The following CALN1 variants were observed in gnomAD, a reference collection of about 807,000 sequenced individuals.
CALN1 encodes calneuron 1, also known as calcium-binding protein 8.
A neutral mutation model predicts 30.6 loss-of-function variants in CALN1; 17 were observed. The ratio of observed to expected loss-of-function variants is 0.56; its 90% CI spans 0.38 to 0.83. CALN1 has a LOEUF of 0.83. Ranked by LOEUF, CALN1 falls within the 40% of genes least tolerant of loss-of-function variation. The pLI is 0.00. For synonymous variants in CALN1, 156 were observed against 131.4 expected (o/e 1.19, Z -1.28); for missense variants, 291 against 354.9 (o/e 0.82, Z 1.45).
intron 5 of CALN1, among the ~76,000 whole-genome samples, chr7:71,847,431 C>T (rs965544711): frequency 6.6e-6 from 1 of 151,928 alleles, no homozygotes; most frequent in Non-Finnish European, 1.5e-5. Flanking sequence ...GGGTGGATCA[C>T]CTGAGGTCAG....
At chr7:72,256,517 C>G (rs1366542392) in intron 3 of CALN1, among the ~76,000 whole-genome samples, 1 of 152,086 alleles carries the variant, frequency 6.6e-6, no homozygotes, top group African/African-American at 2.4e-5. Context: ...AAAAAGATGA[C>G]CAAAATTCTG....
intron 2 of CALN1, among the ~76,000 whole-genome samples, chr7:72,355,458 A>AC (rs1272571953): frequency 2.6e-5 from 4 of 152,140 alleles, no homozygotes; most frequent in African/African-American, 9.7e-5. Context: ...CCCAGGAGAC[A>AC]GAGGTGGCAG....
At chr7:71,849,366 G>A (rs1584365177) in intron 5 of CALN1, among the ~76,000 whole-genome samples, 1 of 151,058 alleles carries the variant, frequency 6.6e-6, no homozygotes, top group Non-Finnish European at 1.5e-5. Flanking sequence ...TTTATGGCTA[G>A]TACTGCATAG....
chr7:72,476,930 G>T, the CALN1 span, among the ~76,000 whole-genome samples: 3 of 152,130 alleles, frequency 2.0e-5, no homozygotes, highest in African/African-American at 7.2e-5. Context: ...AAGGTGCGTC[G>T]CCAGGCGCCG....
intron 3 of CALN1, among the ~76,000 whole-genome samples, chr7:72,209,355 TCCC>T (rs1360708775): frequency 1.6e-5 from 1 of 62,058 alleles, no homozygotes; most frequent in Non-Finnish European, 2.8e-5. Flanking sequence ...CTTCCCTCCT[TCCC>T]TCTTTCCTTC....
At chr7:72,487,672 T>TGAAAGAAAGAAAGGAAA in the CALN1 span, among the ~76,000 whole-genome samples, 1 of 101,584 alleles carries the variant, frequency 9.8e-6, no homozygotes, top group African/African-American at 4.3e-5. Flanking sequence ...GGCAGCAGAG[T>TGAAAGAAAGAAAGGAAA]GAAAGAAAGA....
chr7:71,859,698 C>T (rs922884211), intron 5 of CALN1, among the ~76,000 whole-genome samples: 8 of 152,222 alleles, frequency 5.3e-5, no homozygotes, highest in African/African-American at 1.7e-4. Context: ...CAATGTGGCC[C>T]TGCTGCATGG....
the CALN1 span, among the ~76,000 whole-genome samples, chr7:72,466,595 G>A: frequency 6.6e-6 from 1 of 151,866 alleles, no homozygotes; most frequent in Admixed American, 6.6e-5. Flanking sequence ...AATACAAAAA[G>A]TAGCCGGAGT....
intron 4 of CALN1, among the ~76,000 whole-genome samples, chr7:72,051,281 G>A (rs2129535875): frequency 6.6e-6 from 1 of 151,928 alleles, no homozygotes; most frequent in South Asian, 2.1e-4. Context: ...ACTGAGAAAA[G>A]CTATGCAGCC....
chr7:71,956,475 A>T (rs1314128794), intron 5 of CALN1, among the ~76,000 whole-genome samples: 1 of 144,564 alleles, frequency 6.9e-6, no homozygotes, highest in Non-Finnish European at 1.5e-5. Flanking sequence ...AATTATTATT[A>T]TTTTTGTTCT....
intron 4 of CALN1, among the ~76,000 whole-genome samples, chr7:72,098,557 A>T (rs1806399598): frequency 6.6e-6 from 1 of 151,874 alleles, no homozygotes; most frequent in Non-Finnish European, 1.5e-5. Flanking sequence ...TAATAAAAAA[A>T]CTTAGCTGGG....
chr7:72,450,481 C>A (rs1808637940), upstream of CALN1, among the ~76,000 whole-genome samples: 1 of 152,178 alleles, frequency 6.6e-6, no homozygotes, highest in Non-Finnish European at 1.5e-5. Flanking sequence ...CACAGATGGC[C>A]AACAAGGACC....
At chr7:72,318,926 C>A (rs954444208) in intron 2 of CALN1, among the ~76,000 whole-genome samples, 2 of 151,580 alleles carry the variant, frequency 1.3e-5, no homozygotes, top group Non-Finnish European at 2.9e-5. Flanking sequence ...CACTATTAGT[C>A]TGTTAGTGTG....
chr7:72,329,484 C>G (rs181387260), intron 2 of CALN1, among the ~76,000 whole-genome samples: 1 of 152,318 alleles, frequency 6.6e-6, no homozygotes, highest in African/African-American at 2.4e-5. Flanking sequence ...CCCCATCTCT[C>G]TGAACTCATC....
intron 3 of CALN1, among the ~76,000 whole-genome samples, chr7:72,181,218 A>T (rs1425108176): frequency 6.8e-6 from 1 of 147,904 alleles, no homozygotes; most frequent in East Asian, 2.0e-4. Context: ...TTATTGGAAT[A>T]TATATAATAT....
chr7:72,272,432 C>A (rs997055240), intron 3 of CALN1, among the ~76,000 whole-genome samples: 3 of 151,992 alleles, frequency 2.0e-5, no homozygotes, highest in African/African-American at 7.2e-5. Context: ...TGTGGTGGTG[C>A]ACGCCTGTAG....
intron 5 of CALN1, among the ~76,000 whole-genome samples, chr7:71,896,560 T>C (rs1369984264): frequency 1.3e-5 from 2 of 152,166 alleles, no homozygotes; most frequent in South Asian, 2.1e-4. Flanking sequence ...GAATTCACAA[T>C]GAAAGGCCTG....
rs56197069 is a variant in CALN1 at position 72,311,651 on chromosome 7, A to ATTTTTTTTTTTT, written c.120-32853_120-32842dup. ...CATGCCACCACAACGCCTGGCTGAGATTTTTTTTTTTTTTTTTTTTTTTTT... is the reference window on the plus strand; with the variant it reads ...CATGCCACCACAACGCCTGGCTGAGATTTTTTTTTTTTTTTTTTTTTTTTTTTTTTTTTTTTT... On this transcript the variant is annotated intron_variant, in intron 2 of 6. Coordinates refer to ENST00000395275, the MANE Select transcript of CALN1 (RefSeq NM_031468.4). Among the ~76,000 whole-genome samples, 9 of 48,470 alleles carry ATTTTTTTTTTTT rather than the reference A, an allele frequency of 1.9e-4. 1 individual carries two copies. The highest frequency in any genetic ancestry group is 5.6e-4 in the African/African-American group (7 of 12,522). The allele number at this position is 48,470 out of a possible 152,430, so 31.8% of individuals were successfully genotyped here.
At chr7:72,008,690 C>T (rs1364254456) in intron 5 of CALN1, among the ~76,000 whole-genome samples, 1 of 147,202 alleles carries the variant, frequency 6.8e-6, no homozygotes, top group East Asian at 2.0e-4. Flanking sequence ...CAGTTTCACG[C>T]TTTTGCCCAG....
Sources: gnomAD v4.1 joint callset for allele counts (sites outside exome capture counted in the v4.1 genomes callset) on GRCh38, gnomAD v4.1.1 for gene constraint, MANE v1.5 for transcripts, NCBI Gene and HGNC (gene_info 2026-07-23, HGNC 2026-07-21) for gene names.